The following TACC1 variants were observed in gnomAD, a reference collection of about 807,000 sequenced individuals.
TACC1 encodes the protein transforming acidic coiled-coil-containing protein 1.
A neutral mutation model predicts 84.4 loss-of-function variants in TACC1; 48 were observed. The observed-to-expected ratio is 0.57, with a 90% CI of 0.45 to 0.72. The LOEUF (loss-of-function observed/expected upper bound fraction) is 0.72. Ranked by LOEUF, TACC1 falls within the 30% of genes least tolerant of loss-of-function variation. The pLI is 0.00. For missense variants in TACC1, 920 were observed against 973.0 expected (o/e 0.95, Z 0.72); for synonymous variants, 372 against 376.3 (o/e 0.99, Z 0.13).
chr8:38,753,587 A>G (rs1345867007), intron 3 of TACC1, among the ~76,000 whole-genome samples: 2 of 152,218 alleles, frequency 1.3e-5, no homozygotes, highest in Non-Finnish European at 2.9e-5. Context: ...GTTGTGGGGT[A>G]AGATGTGTCT....
At position 38,819,619 on chromosome 8, in the gene TACC1, G is replaced by T. The variant is rs779000838; in HGVS notation, c.375G>T (p.Gln125His). The change falls in exon 3 of 13, where the codon CAG (glutamine) becomes CAT (histidine). Residue 125 changes from glutamine to histidine, a missense_variant. Gln to His is a conservative substitution (Grantham distance 24). Transcript: ENST00000317827. Reference protein sequence around the residue: ...SKPSENEVPQQAIDSHSVKNF... With the variant: ...SKPSENEVPQHAIDSHSVKNF... ...CTTCAGAAAATGAAGTGCCACAGCA[G>T]GCCATTGACTCTCACTCAGTCAAGA... 1.9e-6 allele frequency: 3 copies of T among 1,614,210 alleles called. No individual in the cohort carries two copies. The highest frequency in any genetic ancestry group is 1.7e-5 in the Admixed American group (1 of 60,034).
chr8:38,730,150 G>A (rs973075894), intron 1 of TACC1, among the ~76,000 whole-genome samples: 11 of 152,224 alleles, frequency 7.2e-5, no homozygotes, highest in Non-Finnish European at 1.6e-4. Flanking sequence ...GTTGATTGAC[G>A]GAGGGATTTC....
At chr8:38,783,072 ATC>A (rs1391487552), upstream of TACC1, among the ~76,000 whole-genome samples, 5 of 78,460 alleles carry the variant, frequency 6.4e-5, no homozygotes, top group African/African-American at 2.2e-4. Context: ...GTAAATATCT[ATC>A]TATCTATCTA....
In TACC1 at chr8:38,827,204, T is replaced by A. The variant is rs1161466740; in HGVS notation, c.1489T>A (p.Ser497Thr). 1.2e-6 allele frequency: 2 copies of A among 1,614,054 alleles called. No individual in the cohort carries two copies. The highest frequency in any genetic ancestry group is 2.2e-5 in the South Asian group (2 of 91,074). The stretch of plus-strand genomic sequence containing the variant: ...AGTGATCTCCCAGATTTCAGACATT[T>A]CTAATAGGGATGGCCATGCTACTGA... ...GAVISQISDI[S>T]NRDGHATDEE... The change falls in exon 5 of 13, where the codon TCT becomes ACT. Residue 497 changes from serine (S) to threonine (T), a missense_variant. By Grantham distance (58) the Ser-to-Thr change is moderately conservative. Coordinates refer to ENST00000317827, the MANE Select transcript of TACC1 (RefSeq NM_006283.3).
intron 3 of TACC1, among the ~76,000 whole-genome samples, chr8:38,750,269 T>A (rs1192167956): frequency 1.3e-5 from 2 of 152,210 alleles, no homozygotes; most frequent in Non-Finnish European, 2.9e-5. Context: ...AACTCCTTTT[T>A]ATCATTAAAA....
chr8:38,829,272 C>G (rs1478508819), intron 5 of TACC1, among the ~76,000 whole-genome samples: 2 of 152,228 alleles, frequency 1.3e-5, no homozygotes, highest in Non-Finnish European at 2.9e-5. Flanking sequence ...TTTATTCCCC[C>G]TGGCCTCCTT....
At chr8:38,748,398 AC>A (rs1808441589) in intron 3 of TACC1, among the ~76,000 whole-genome samples, 1 of 152,188 alleles carries the variant, frequency 6.6e-6, no homozygotes, top group African/African-American at 2.4e-5. Context: ...AGAGTAACCA[AC>A]AAAAAATCAG....
chr8:38,729,155 T>C (rs974603277), intron 1 of TACC1, among the ~76,000 whole-genome samples: 1 of 152,136 alleles, frequency 6.6e-6, no homozygotes, highest in Admixed American at 6.5e-5. Flanking sequence ...GCGCGGCTGT[T>C]TTCCGGGACC....
intron 2 of TACC1, among the ~76,000 whole-genome samples, chr8:38,790,577 T>C (rs1372560533): frequency 6.6e-6 from 1 of 152,206 alleles, no homozygotes; most frequent in Non-Finnish European, 1.5e-5. Flanking sequence ...TTCAGTTATC[T>C]AGCTACCTAA....
At chr8:38,763,355 A>G (rs188406651) in intron 3 of TACC1, among the ~76,000 whole-genome samples, 10 of 152,030 alleles carry the variant, frequency 6.6e-5, no homozygotes, top group Admixed American at 5.2e-4. Flanking sequence ...GGCTCTTGCT[A>G]TATTGCCCAG....
At chr8:38,782,363 T>C (rs1298504913), upstream of TACC1, among the ~76,000 whole-genome samples, 2 of 152,194 alleles carry the variant, frequency 1.3e-5, no homozygotes, top group Non-Finnish European at 2.9e-5. Context: ...TCATTTTTTA[T>C]GGCTGCATAG....
chr8:38,761,931 TG>T (rs1811283793), intron 3 of TACC1, among the ~76,000 whole-genome samples: 1 of 152,180 alleles, frequency 6.6e-6, no homozygotes, highest in African/African-American at 2.4e-5. Context: ...TAGGAGATGT[TG>T]GCTGGCTCTA....
At chr8:38,768,093 A>T (rs536816890) in intron 3 of TACC1, among the ~76,000 whole-genome samples, 5 of 140,926 alleles carry the variant, frequency 3.5e-5, no homozygotes, top group African/African-American at 1.5e-4. Context: ...GGAAGGAAGG[A>T]AGGAAGGAAG....
At chr8:38,812,016 C>T (rs186158650) in intron 2 of TACC1, among the ~76,000 whole-genome samples, 57 of 152,202 alleles carry the variant, frequency 3.7e-4, no homozygotes, top group Non-Finnish European at 6.3e-4. Context: ...CTGTCTTATG[C>T]GGTTGAGATA....
chr8:38,753,757 A>C (rs933817192), intron 3 of TACC1, among the ~76,000 whole-genome samples: 1 of 152,036 alleles, frequency 6.6e-6, no homozygotes, highest in Admixed American at 6.6e-5. Context: ...ATAAAGCAAA[A>C]CCAGCCAACA....
At chr8:38,807,234 G>T (rs1324103261) in intron 2 of TACC1, among the ~76,000 whole-genome samples, 1 of 152,124 alleles carries the variant, frequency 6.6e-6, no homozygotes, top group Non-Finnish European at 1.5e-5. Flanking sequence ...GATGGAGGTG[G>T]AGAGGGCTGA....
chr8:38,825,028 T>C (rs1827725282), intron 3 of TACC1, among the ~76,000 whole-genome samples: 1 of 152,158 alleles, frequency 6.6e-6, no homozygotes, highest in African/African-American at 2.4e-5. Context: ...TTAAAAACCA[T>C]AGACATCAGA....
chr8:38,806,752 A>G (rs1391905529), intron 2 of TACC1, among the ~76,000 whole-genome samples: 1 of 152,184 alleles, frequency 6.6e-6, no homozygotes, highest in East Asian at 1.9e-4. Flanking sequence ...GTTCTCTTCT[A>G]TACCAGTTCT....
intron 11 of TACC1, 161 bp from the exon 12 acceptor site, chr8:38,846,538 G>A (rs1311385156): frequency 1.4e-6 from 1 of 693,078 alleles, no homozygotes; most frequent in East Asian, 3.2e-5. Context: ...AAATTAAAAT[G>A]GAATTATTTA....
Sources: gnomAD v4.1 joint callset for allele counts (sites outside exome capture counted in the v4.1 genomes callset) on GRCh38, gnomAD v4.1.1 for gene constraint, MANE v1.5 for transcripts, NCBI Gene and HGNC (gene_info 2026-07-23, HGNC 2026-07-21) for gene names.